SPATS2L: variants seen among roughly 807,000 people sequenced by gnomAD.
SPATS2L encodes SPATS2-like protein.
Under a neutral mutation model 59.6 loss-of-function variants are expected in SPATS2L, and 30 were observed. The observed-to-expected ratio is 0.50, with a 90% confidence interval of 0.38 to 0.68. The LOEUF (loss-of-function observed/expected upper bound fraction) is 0.68, where lower values mean the gene tolerates loss of function less well. Among genes scored for constraint, SPATS2L ranks in the 30% least tolerant of loss-of-function variants. The probability of loss-of-function intolerance (pLI) is 0.00; values close to 1 mark genes in which losing one functional copy is unlikely to be tolerated. For synonymous variants in SPATS2L, 252 were observed against 263.5 expected, an observed-to-expected ratio of 0.96 and a Z score of 0.42; for missense variants, 615 against 700.0, an observed-to-expected ratio of 0.88 and a Z score of 1.37.
intron 2 of SPATS2L, among the ~76,000 whole-genome samples, chr2:200,354,851 A>G (rs917739945): frequency 2.0e-5 from 3 of 152,308 alleles, no homozygotes; most frequent in South Asian, 4.1e-4. Flanking sequence ...GAAAATGGCC[A>G]TGAGTTTGTT....
At chr2:200,347,230 A>C (rs1233506439) in intron 2 of SPATS2L, among the ~76,000 whole-genome samples, 1 of 152,132 alleles carries the variant, frequency 6.6e-6, no homozygotes, top group African/African-American at 2.4e-5. Flanking sequence ...TTAGTAACAC[A>C]TTCTGATTTT....
At chr2:200,459,431 A>G (rs2086082815) in intron 8 of SPATS2L, among the ~76,000 whole-genome samples, 1 of 152,166 alleles carries the variant, frequency 6.6e-6, no homozygotes, top group Non-Finnish European at 1.5e-5. Context: ...CTTTTCAAAT[A>G]CTTATTATAT....
chr2:200,345,117 T>C (rs866511872), intron 2 of SPATS2L, among the ~76,000 whole-genome samples: 1 of 152,246 alleles, frequency 6.6e-6, no homozygotes, highest in African/African-American at 2.4e-5. Context: ...GTGATTGCTT[T>C]TGGCAACTTC....
At chr2:200,327,860 G>GCGCACA (rs1553506942) in intron 1 of SPATS2L, among the ~76,000 whole-genome samples, 1 of 150,408 alleles carries the variant, frequency 6.6e-6, no homozygotes, top group African/African-American at 2.4e-5. Context: ...GCGTGTGCGG[G>GCGCACA]CACACACACA....
intron 7 of SPATS2L, 79 bp from the exon 8 acceptor site, chr2:200,440,570 A>G: frequency 7.1e-7 from 1 of 1,405,328 alleles, no homozygotes; most frequent in Non-Finnish European, 9.8e-7. Context: ...TGGTGGGCTA[A>G]TTGCTTTGTT....
chr2:200,441,329 G>A (rs2084683965), intron 8 of SPATS2L, among the ~76,000 whole-genome samples: 2 of 152,092 alleles, frequency 1.3e-5, no homozygotes, highest in Admixed American at 1.3e-4. Context: ...TTTGAACCCT[G>A]TATATTTGCT....
At chr2:200,374,304 A>T (rs1296967040) in intron 2 of SPATS2L, among the ~76,000 whole-genome samples, 3 of 152,068 alleles carry the variant, frequency 2.0e-5, no homozygotes, top group African/African-American at 7.2e-5. Flanking sequence ...GCTCTTCCTC[A>T]TACCTGCAGT....
rs1477801302 is a variant in SPATS2L at position 200,440,711 on chromosome 2, C to T, written c.715C>T (p.Arg239Cys). The stretch of plus-strand genomic sequence containing the variant: ...CTGCACCGTTTCTCTAACTAGATAT[C>T]GCGTCATGATTAAGGAAGAAGTGGA... ...QRCTVSLTRY[R>C]VMIKEEVDSS... Residue 239 changes from arginine (R) to cysteine (C), a missense_variant, in exon 8 of 13, where the codon CGC becomes TGC. Around this residue, in one of 3 missense-constraint regions of SPATS2L, gnomAD observed 104 missense variants for 162.5 expected, o/e 0.64. Coordinates refer to ENST00000409140, the MANE Select transcript of SPATS2L (RefSeq NM_001100423.2). 3 of 1,613,450 alleles carry T rather than the reference C, an allele frequency of 1.9e-6. No homozygotes were observed. The highest frequency in any genetic ancestry group is 2.5e-6 in the Non-Finnish European group (3 of 1,179,650).
chr2:200,323,970 G>A (rs2105779295), intron 1 of SPATS2L, among the ~76,000 whole-genome samples: 1 of 152,296 alleles, frequency 6.6e-6, no homozygotes, highest in Admixed American at 6.5e-5. Context: ...TCCGTGCAGA[G>A]GTTTTTGGAG....
chr2:200,355,629 G>A (rs2080889757), intron 2 of SPATS2L, among the ~76,000 whole-genome samples: 1 of 152,202 alleles, frequency 6.6e-6, no homozygotes, highest in East Asian at 1.9e-4. Context: ...CATTTGAGTT[G>A]CGGAAAGCAG....
intron 6 of SPATS2L, among the ~76,000 whole-genome samples, chr2:200,420,993 C>T (rs142372215): frequency 6.6e-6 from 1 of 152,288 alleles, no homozygotes; most frequent in East Asian, 1.9e-4. Context: ...AGAATCACTA[C>T]ACTAGTTGAC....
At chr2:200,385,527 C>G (rs2081962449) in intron 2 of SPATS2L, among the ~76,000 whole-genome samples, 1 of 152,030 alleles carries the variant, frequency 6.6e-6, no homozygotes, top group Non-Finnish European at 1.5e-5. Flanking sequence ...TATGCAGGGG[C>G]AAGGTGGGCT....
rs185621378 is a variant in SPATS2L, at chr2:200,379,185, C to G, written c.-22-10038C>G. Among the ~76,000 whole-genome samples, 472 of 152,244 alleles carry G rather than the reference C, an allele frequency of 3.1e-3. 1 individual carries two copies. Among genetic ancestry groups the G allele is most frequent in the Non-Finnish European group, 3.8e-3 (260 of 68,022 alleles). On this transcript the variant is annotated intron_variant, in intron 2 of 12. Transcript: ENST00000409140. ...ATTGATCTTTAAGCTCCTTTGGGGC[C>G]AAGAGCTCTGGAGCCAGGAGATATA...
intron 6 of SPATS2L, among the ~76,000 whole-genome samples, chr2:200,430,318 T>TA (rs1400319443): frequency 1.3e-5 from 2 of 152,190 alleles, no homozygotes; most frequent in Non-Finnish European, 2.9e-5. Context: ...TTTTTAAAGA[T>TA]AATTAAATTT....
chr2:200,385,599 A>G (rs1223736736), intron 2 of SPATS2L, among the ~76,000 whole-genome samples: 1 of 152,172 alleles, frequency 6.6e-6, no homozygotes, highest in Non-Finnish European at 1.5e-5. Flanking sequence ...GAGGACCTTC[A>G]GGACACACCG....
intron 8 of SPATS2L, among the ~76,000 whole-genome samples, chr2:200,456,816 C>T (rs1277516313): frequency 6.6e-6 from 1 of 152,112 alleles, no homozygotes; most frequent in Non-Finnish European, 1.5e-5. Flanking sequence ...GCTGGGCATG[C>T]TCTCTAAACC....
chr2:200,369,826 CTT>C (rs1559073862), intron 2 of SPATS2L, among the ~76,000 whole-genome samples: 1 of 151,872 alleles, frequency 6.6e-6, no homozygotes, highest in African/African-American at 2.4e-5. Context: ...TTATTTTTAT[CTT>C]TTTTATTATA....
chr2:200,344,532 T>C (rs2080446860), intron 2 of SPATS2L, among the ~76,000 whole-genome samples: 1 of 152,104 alleles, frequency 6.6e-6, no homozygotes, highest in African/African-American at 2.4e-5. Flanking sequence ...CAGTGAACAT[T>C]TGTGTGCATG....
intron 1 of SPATS2L, among the ~76,000 whole-genome samples, chr2:200,307,689 G>C (rs990299933): frequency 6.6e-6 from 1 of 152,252 alleles, no homozygotes; most frequent in Non-Finnish European, 1.5e-5. Flanking sequence ...CACACGCGGG[G>C]CTGAAGGGCC....
Sources: gnomAD v4.1 joint callset for allele counts (sites outside exome capture counted in the v4.1 genomes callset) on GRCh38, gnomAD v4.1.1 for gene constraint, gnomAD v4.1.1 regional missense constraint, MANE v1.5 for transcripts, NCBI Gene and HGNC (gene_info 2026-07-23, HGNC 2026-07-21) for gene names.